EIF4G1: variants seen among roughly 807,000 people sequenced by gnomAD.
EIF4G1 encodes EIF4-gamma.
EIF4G1 carries 4 observed loss-of-function variants against 187.8 expected under a neutral mutation model. The ratio of observed to expected loss-of-function variants is 0.02; its 90% CI spans 0.01 to 0.05. The LOEUF is 0.05. Among genes scored for constraint, EIF4G1 ranks in the 10% least tolerant of loss-of-function variants. The pLI is 1.00. For missense variants in EIF4G1, 1,647 were observed against 2,081.1 expected (o/e 0.79, Z 4.06); for synonymous variants, 844 against 781.4 (o/e 1.08, Z -1.34).
chr3:184,326,405 TAAA>T lies in EIF4G1; in HGVS notation c.3223-118_3223-116del. 3 of 1,012,842 alleles carry T rather than the reference TAAA, an allele frequency of 3.0e-6. No homozygotes were observed. The South Asian group carries it at 3.9e-5, about 13-fold the overall frequency. The allele number at this position is 1,012,842 out of a possible 1,614,324, so 62.7% of individuals were successfully genotyped here. On this transcript the variant is annotated intron_variant, in intron 21 of 32. Transcript: ENST00000346169. ...GTTGCAATAGAGACTGGCCCTTTATTAAAAAAGATTTTCTGACCCCTGGACTGG... is the reference window on the plus strand; with the variant it reads ...GTTGCAATAGAGACTGGCCCTTTATTAAAGATTTTCTGACCCCTGGACTGG...
rs1723484168 is a variant in EIF4G1, at chr3:184,319,566, GGGCAA to G, written c.425-115_425-111del. 3 of 725,608 alleles carry G rather than the reference GGGCAA, an allele frequency of 4.1e-6. 1 individual carries two copies. Among genetic ancestry groups the G allele is most frequent in the South Asian group, 3.0e-5 (2 of 66,766 alleles). 44.9% of individuals were successfully genotyped at this position (725,608 alleles called of 1,614,324 possible). A position where few individuals can be genotyped will look rare whatever the true frequency, so the allele number is the denominator to read the frequency against. The stretch of plus-strand genomic sequence containing the variant: ...TTCCCTGGGGGAGGAGGGCAGGGCA[GGGCAA>G]GGCAAGGGGCCGGCTGTGGGTGGTG... On this transcript the variant is annotated intron_variant, in intron 6 of 32. Transcript: ENST00000346169.
rs1726899200 is a variant in EIF4G1, at chr3:184,335,256, G to A, written c.*348G>A. The A allele has an allele frequency of 9.5e-6, 3 of 315,266 alleles. No individual in the cohort carries two copies. The South Asian group carries it at 9.6e-5, about 10-fold the overall frequency. 19.5% of individuals were successfully genotyped at this position (315,266 alleles called of 1,614,324 possible). A position where few individuals can be genotyped will look rare whatever the true frequency, so the allele number is the denominator to read the frequency against. On this transcript the variant is annotated 3_prime_UTR_variant, in exon 33 of 33. Coordinates refer to ENST00000346169, the MANE Select transcript of EIF4G1 (RefSeq NM_198241.3). The stretch of plus-strand genomic sequence containing the variant: ...CTCGGGACTGCCGTCCTCGCTGCTG[G>A]GGGCATATGCCCCAGCCCCTGTACC...
chr3:184,331,152 C>T (rs1560230852), intron 28 of EIF4G1, 114 bp from the exon 29 acceptor site: 2 of 1,140,786 alleles, frequency 1.8e-6, no homozygotes, highest in East Asian at 4.7e-5. Flanking sequence ...TCCTTAATGC[C>T]TAGCAAGTAC....
rs564214749 is a variant in EIF4G1 at position 184,326,508 on chromosome 3, C to T, written c.3223-19C>T. 41 of 1,613,726 alleles carry T rather than the reference C, an allele frequency of 2.5e-5. No individual in the cohort carries two copies. In the East Asian group the frequency reaches 6.5e-4, roughly 25 times the overall value. On this transcript the variant is annotated intron_variant, in intron 21 of 32. Transcript: ENST00000346169. ...CAGCCGGGTTGGACCTATGATTCTACTCCCCTTTTCTTCTTCAGCCTGGCT... is the reference window on the plus strand; with the variant it reads ...CAGCCGGGTTGGACCTATGATTCTATTCCCCTTTTCTTCTTCAGCCTGGCT...
intron 17 of EIF4G1, 32 bp downstream of exon 17, chr3:184,324,379 C>T: frequency 6.2e-7 from 1 of 1,614,010 alleles, no homozygotes; most frequent in South Asian, 1.1e-5. Context: ...ATTCCACTCA[C>T]CACTTACCTC....
intron 6 of EIF4G1, 170 bp from the exon 7 acceptor site, chr3:184,319,519 C>T: frequency 1.6e-6 from 1 of 609,378 alleles, no homozygotes. Context: ...AGACTGGTTC[C>T]CCAGCTTTGA....
chr3:184,328,560 C>A, intron 26 of EIF4G1, 71 bp from the exon 27 acceptor site: 2 of 1,608,594 alleles, frequency 1.2e-6, no homozygotes, highest in South Asian at 1.1e-5. Flanking sequence ...ATGCCCTAGC[C>A]ATGCCACGTT....
At position 184,325,698 on chromosome 3, in the gene EIF4G1, C is replaced by G. The variant is rs545960533; in HGVS notation, c.3121+59C>G. Reference sequence around the variant, plus strand: ...TGAAGGGACCGGGAGGTTATACTTTCCTCTGATGACTTCCTGTTAGTGCCA... The same window carrying G: ...TGAAGGGACCGGGAGGTTATACTTTGCTCTGATGACTTCCTGTTAGTGCCA... On this transcript the variant is annotated intron_variant, in intron 20 of 32. Coordinates refer to ENST00000346169, the MANE Select transcript of EIF4G1 (RefSeq NM_198241.3). The surrounding 1 kb of genome is among the most constrained non-coding windows in gnomAD (Gnocchi z 5.2). 5.0e-6 allele frequency: 8 copies of G among 1,613,466 alleles called. No individual in the cohort carries two copies. The highest frequency in any genetic ancestry group is 1.1e-5 in the South Asian group (1 of 91,016).
chr3:184,316,536 G>A (rs1314643243), intron 4 of EIF4G1, among the ~76,000 whole-genome samples: 1 of 151,984 alleles, frequency 6.6e-6, no homozygotes, highest in East Asian at 1.9e-4. Flanking sequence ...TGCTCTCTCT[G>A]CTTTCTCTTT....
At chr3:184,317,897 CCCTT>C in intron 6 of EIF4G1, 81 bp downstream of exon 6, 6 of 1,075,266 alleles carry the variant, frequency 5.6e-6, no homozygotes, top group Non-Finnish European at 7.1e-6. Context: ...AAGCAGAAGA[CCCTT>C]CCCAGGCTTG....
chr3:184,322,492 G>C, intron 11 of EIF4G1, 42 bp downstream of exon 11: 1 of 1,614,014 alleles, frequency 6.2e-7, no homozygotes, highest in Non-Finnish European at 8.5e-7. Context: ...CCAAGTTGAG[G>C]TATGGAGCAG....
chr3:184,327,113 C>CA, intron 23 of EIF4G1, 103 bp from the exon 24 acceptor site: 1 of 1,565,162 alleles, frequency 6.4e-7, no homozygotes, highest in South Asian at 1.1e-5. Flanking sequence ...GGGGCATACT[C>CA]ATTATGCTAA....
Position 184,324,880 on chromosome 3 carries a change from A to G in EIF4G1, c.2622A>G (p.Ala874=), listed in dbSNP as rs1724591759. 1 of 1,613,496 alleles carries G rather than the reference A, an allele frequency of 6.2e-7. No homozygotes were observed. Among genetic ancestry groups the G allele is most frequent in the South Asian group, 1.1e-5 (1 of 91,092 alleles). ...AATCCCTGTCCTGTGAATGGCAGGC[A>G]GAGGAACGAGGACGCCTGAAGGAAG... is the stretch of plus-strand genomic sequence containing the variant. ...KQKEMDEAAT[A]EERGRLKEEL... Residue 874 remains alanine, a splice_region_variant and synonymous_variant, in exon 18 of 33, where the codon GCA becomes GCG. Coordinates refer to ENST00000346169, the MANE Select transcript of EIF4G1 (RefSeq NM_198241.3).
At position 184,317,959 on chromosome 3, in the gene EIF4G1, C is replaced by T. The variant is rs1180715022; in HGVS notation, c.424+143C>T. On this transcript the variant is annotated intron_variant, in intron 6 of 32. Transcript: ENST00000346169. ...GGTTAATAGGTGGTAGGGATTGGTG[C>T]TTAATATTTAACTGGTGTTGATTGT... The T allele has an allele frequency of 1.6e-5, 11 of 704,184 alleles. No individual in the cohort carries two copies. In the South Asian group the frequency reaches 1.7e-4, roughly 11 times the overall value. 43.6% of individuals were successfully genotyped at this position (704,184 alleles called of 1,614,324 possible).
chr3:184,326,084 G>A, intron 21 of EIF4G1, 133 bp downstream of exon 21: 1 of 931,576 alleles, frequency 1.1e-6, no homozygotes, highest in Non-Finnish European at 1.7e-6. Context: ...AGACAGGACT[G>A]CCAGCTGTAG....
rs1433689903 is a variant in EIF4G1, at chr3:184,322,087, A to G, written c.1503A>G (p.Ala501=). Residue 501 remains alanine (A), a synonymous_variant, in exon 10 of 33, where the codon GCA becomes GCG. Transcript: ENST00000346169. The part of the protein sequence containing the change: ...IPANLSQNLE[A]AAATQVAVSV... ...CCAACTTGTCTCAGAATTTGGAGGCAGCAGCAGCCACTCAAGGTAAGGTGT... is the reference window on the plus strand; with the variant it reads ...CCAACTTGTCTCAGAATTTGGAGGCGGCAGCAGCCACTCAAGGTAAGGTGT... 5 of 1,613,926 alleles carry G rather than the reference A, an allele frequency of 3.1e-6. No individual in the cohort carries two copies. The highest frequency in any genetic ancestry group is 3.3e-5 in the Admixed American group (2 of 59,950).
At chr3:184,314,892 C>T (rs1387552664) in intron 1 of EIF4G1, among the ~76,000 whole-genome samples, 1 of 150,928 alleles carries the variant, frequency 6.6e-6, no homozygotes, top group Non-Finnish European at 1.5e-5. Flanking sequence ...AGCGCAGGGC[C>T]GGACTATGCG....
In EIF4G1 at chr3:184,323,151, C is replaced by T; in HGVS notation, c.1998C>T (p.Phe666=). 2 of 1,614,238 alleles carry T rather than the reference C, an allele frequency of 1.2e-6. No individual in the cohort carries two copies. The highest frequency in any genetic ancestry group is 2.2e-5 in the East Asian group (1 of 44,864). Residue 666 remains phenylalanine (F), a synonymous_variant, in exon 14 of 33, where the codon TTC becomes TTT. Transcript: ENST00000346169. This position sits in a 1 kb window ranked among gnomAD's most constrained non-coding sequence, Gnocchi z 6.9. ...AAGGCATAAATTGTGGCCCAGACTT[C>T]ACTCCATCCTTTGCCAACCTTGGCC... ...RLQGINCGPD[F]TPSFANLGRT...
In EIF4G1 at chr3:184,334,538, A is replaced by G. The variant is rs1422668442; in HGVS notation, c.4619-189A>G. On this transcript the variant is annotated intron_variant, in intron 32 of 32. Transcript: ENST00000346169. The surrounding 1 kb of genome is among the most constrained non-coding windows in gnomAD (Gnocchi z 5.8). The stretch of plus-strand genomic sequence containing the variant: ...GGTTTTTCTGATGGCCAAGTGACTC[A>G]TTGCTGTGCAGCAGTCTCAGATCAT... Among the ~76,000 whole-genome samples, 2 of 152,200 alleles carry G rather than the reference A, an allele frequency of 1.3e-5. No homozygotes were observed. Among genetic ancestry groups the G allele is most frequent in the Non-Finnish European group, 2.9e-5 (2 of 68,042 alleles).
Sources: allele counts gnomAD v4.1 joint callset (sites outside exome capture counted in the v4.1 genomes callset), GRCh38; gene constraint gnomAD v4.1.1; non-coding constraint Gnocchi (gnomAD v3.1); transcripts MANE v1.5; gene names NCBI Gene and HGNC (gene_info 2026-07-23, HGNC 2026-07-21).